The following RB1CC1 variants were observed in gnomAD, a reference collection of about 807,000 sequenced individuals.
RB1CC1 encodes the protein RB1 inducible coiled-coil 1.
RB1CC1 carries 46 observed loss-of-function variants against 177.5 expected under a neutral mutation model. The observed-to-expected ratio is 0.26, with a 90% CI of 0.20 to 0.33. RB1CC1 has a LOEUF of 0.33. Ranked by LOEUF, RB1CC1 falls within the 10% of genes least tolerant of loss-of-function variation. RB1CC1 has a pLI of 1.00. For synonymous variants in RB1CC1, 666 were observed against 613.6 expected (o/e 1.09, Z -1.26); for missense variants, 1,703 against 1,816.3 (o/e 0.94, Z 1.13).
chr8:52,676,489 G>C lies in RB1CC1; in HGVS notation c.452C>G (p.Ala151Gly). ...GTCCTCCAGGTTGGCCATGATTGCA[G>C]CCCAGCCTTGGTGTTGAAGATGTTC... ...HDEHLQHQGW[A>G]AIMANLEDCS... is the part of the protein sequence containing the mutation. The change falls in exon 6 of 24, where the codon GCT (alanine) becomes GGT (glycine). Residue 151 changes from alanine (A) to glycine (G), a missense_variant. Ala to Gly is a moderately conservative substitution (Grantham distance 60). This residue lies in a region of RB1CC1 where 315 missense variants were observed against 304.9 expected (regional missense o/e 1.03). Transcript: ENST00000025008. 1 of 1,613,558 alleles carries C rather than the reference G, an allele frequency of 6.2e-7. No homozygotes were observed. Among genetic ancestry groups the C allele is most frequent in the Non-Finnish European group, 8.5e-7 (1 of 1,179,776 alleles).
intron 15 of RB1CC1, among the ~76,000 whole-genome samples, chr8:52,652,206 G>A (rs1364607154): frequency 3.3e-5 from 5 of 152,028 alleles, no homozygotes; most frequent in Admixed American, 6.5e-5. Flanking sequence ...GGTGGCTCAC[G>A]CCTGTAATCC....
At chr8:52,670,744 T>C (rs940387883) in intron 7 of RB1CC1, among the ~76,000 whole-genome samples, 20 of 152,162 alleles carry the variant, frequency 1.3e-4, no homozygotes, top group African/African-American at 4.8e-4. Context: ...CCCAGCACTT[T>C]GGGAGGCAGA....
intron 1 of RB1CC1, among the ~76,000 whole-genome samples, chr8:52,703,351 T>TA (rs1856263361): frequency 6.6e-6 from 1 of 152,142 alleles, no homozygotes; most frequent in African/African-American, 2.4e-5. Flanking sequence ...TACATAATCT[T>TA]AGATTCTTTT....
intron 7 of RB1CC1, among the ~76,000 whole-genome samples, chr8:52,672,971 C>CA (rs1300270237): frequency 6.6e-6 from 1 of 152,148 alleles, no homozygotes; most frequent in African/African-American, 2.4e-5. Context: ...AGAATGTCAT[C>CA]AAGAAACTGG....
At position 52,671,134 on chromosome 8, in the gene RB1CC1, G is replaced by C. The variant is rs144989205; in HGVS notation, c.1002+2711C>G. On this transcript the variant is annotated intron_variant, in intron 7 of 23. Coordinates refer to ENST00000025008, the MANE Select transcript of RB1CC1 (RefSeq NM_014781.5). ...TATAAAACTAGGAATCCCATGTTAA[G>C]TGACTTATGGATGACAGATAGTAAA... Among the ~76,000 whole-genome samples the C allele has an allele frequency of 1.1e-3, 162 of 152,262 alleles. 3 individuals are homozygous for C. The highest frequency in any genetic ancestry group is 3.8e-3 in the African/African-American group (156 of 41,542).
At chr8:52,652,013 T>C (rs189727347) in intron 15 of RB1CC1, among the ~76,000 whole-genome samples, 1 of 152,202 alleles carries the variant, frequency 6.6e-6, no homozygotes, top group Non-Finnish European at 1.5e-5. Flanking sequence ...TCGACAATCA[T>C]CTGAAAAGGC....
At chr8:52,639,105 C>A (rs1461378434) in intron 18 of RB1CC1, among the ~76,000 whole-genome samples, 3 of 151,926 alleles carry the variant, frequency 2.0e-5, no homozygotes, top group Non-Finnish European at 2.9e-5. Flanking sequence ...TTTAACCTAA[C>A]ATATTGTTAG....
At chr8:52,675,536 T>C (rs1853020689) in intron 6 of RB1CC1, among the ~76,000 whole-genome samples, 1 of 152,042 alleles carries the variant, frequency 6.6e-6, no homozygotes, top group South Asian at 2.1e-4. Context: ...AATGTACTTC[T>C]ATGCAAAGAA....
chr8:52,694,371 C>T (rs982082545), intron 1 of RB1CC1, among the ~76,000 whole-genome samples: 5 of 148,586 alleles, frequency 3.4e-5, no homozygotes, highest in Non-Finnish European at 5.9e-5. Flanking sequence ...TCATCCCCCC[C>T]GGGTAGTCCC....
chr8:52,698,760 A>G (rs1314008572), intron 1 of RB1CC1, among the ~76,000 whole-genome samples: 2 of 116,036 alleles, frequency 1.7e-5, no homozygotes, highest in African/African-American at 3.4e-5. Flanking sequence ...CCCAGGCTGG[A>G]GTGAACTGCA....
At chr8:52,696,941 T>C (rs1408852187) in intron 1 of RB1CC1, among the ~76,000 whole-genome samples, 1 of 152,012 alleles carries the variant, frequency 6.6e-6, no homozygotes, top group Non-Finnish European at 1.5e-5. Flanking sequence ...GGATGGAGGA[T>C]GCAGTGAGCC....
chr8:52,624,788 C>T lies in RB1CC1; in HGVS notation c.4637-1G>A. 1 of 1,527,206 alleles carries T rather than the reference C, an allele frequency of 6.5e-7. No individual in the cohort carries two copies. Among genetic ancestry groups the T allele is most frequent in the Non-Finnish European group, 8.9e-7 (1 of 1,129,888 alleles). 94.6% of individuals were successfully genotyped at this position (1,527,206 alleles called of 1,614,324 possible). A position where few individuals can be genotyped will look rare whatever the true frequency, so the allele number is the denominator to read the frequency against. ...CAGGGTCTTCTAGATGCACCTGAAGCTAATGAAATTAAATAGTTAATCTCT... is the reference window on the plus strand; with the variant it reads ...CAGGGTCTTCTAGATGCACCTGAAGTTAATGAAATTAAATAGTTAATCTCT... On this transcript the variant is annotated splice_acceptor_variant, in intron 22 of 23. Coordinates refer to ENST00000025008, the MANE Select transcript of RB1CC1 (RefSeq NM_014781.5). LOFTEE classifies it high-confidence loss of function.
In RB1CC1 at chr8:52,623,492, A is replaced by G. The variant is rs1459625549; in HGVS notation, c.*290T>C. 1 of 399,948 alleles carries G rather than the reference A, an allele frequency of 2.5e-6. No homozygotes were observed. Among genetic ancestry groups the G allele is most frequent in the Non-Finnish European group, 4.8e-6 (1 of 210,046 alleles). The allele number at this position is 399,948 out of a possible 1,614,324, so 24.8% of individuals were successfully genotyped here. On this transcript the variant is annotated 3_prime_UTR_variant, in exon 24 of 24. Coordinates refer to ENST00000025008, the MANE Select transcript of RB1CC1 (RefSeq NM_014781.5). Reference sequence around the variant, plus strand: ...TATGGCTCATCATAAGCCACAATGCACAAGGTATGCCCTTTGAGAAAATGA... The same window carrying G: ...TATGGCTCATCATAAGCCACAATGCGCAAGGTATGCCCTTTGAGAAAATGA...
At chr8:52,711,986 G>C (rs1857097695) in intron 1 of RB1CC1, among the ~76,000 whole-genome samples, 1 of 152,132 alleles carries the variant, frequency 6.6e-6, no homozygotes, top group South Asian at 2.1e-4. Flanking sequence ...GATCACCTGA[G>C]GTCAGGAGTT....
At chr8:52,700,564 A>G (rs1206768259) in intron 1 of RB1CC1, among the ~76,000 whole-genome samples, 1 of 152,102 alleles carries the variant, frequency 6.6e-6, no homozygotes, top group Non-Finnish European at 1.5e-5. Context: ...AAAAAAAATC[A>G]GCAACATGTT....
intron 15 of RB1CC1, among the ~76,000 whole-genome samples, chr8:52,649,742 CATCA>C (rs1176240198): frequency 1.3e-5 from 2 of 152,204 alleles, no homozygotes. Context: ...GGAGCAAGGC[CATCA>C]ATCATGTAGT....
chr8:52,669,481 A>G (rs776012003), intron 7 of RB1CC1, among the ~76,000 whole-genome samples: 16 of 152,214 alleles, frequency 1.1e-4, no homozygotes, highest in Non-Finnish European at 1.8e-4. Context: ...CACAGAGAAC[A>G]TACAAAAGCA....
chr8:52,665,967 A>G (rs966362376), intron 8 of RB1CC1, among the ~76,000 whole-genome samples: 20 of 152,148 alleles, frequency 1.3e-4, no homozygotes, highest in African/African-American at 4.6e-4. Context: ...CTTAAAACCT[A>G]TATCCTATGA....
At chr8:52,626,173 G>A (rs16918011) in intron 22 of RB1CC1, among the ~76,000 whole-genome samples, 3,530 of 152,142 alleles carry the variant, frequency 0.023, 158 homozygotes, top group African/African-American at 0.08. Flanking sequence ...CTGGTAATCC[G>A]CACTCTCCCA....
Sources: gnomAD v4.1 joint callset for allele counts (sites outside exome capture counted in the v4.1 genomes callset) on GRCh38, gnomAD v4.1.1 for gene constraint, gnomAD v4.1.1 regional missense constraint, MANE v1.5 for transcripts, NCBI Gene and HGNC (gene_info 2026-07-23, HGNC 2026-07-21) for gene names.